The following LIPT1 variants were observed in gnomAD, a reference collection of about 807,000 sequenced individuals.
LIPT1 encodes the protein lipoyl amidotransferase LIPT1, mitochondrial.
Under a neutral mutation model 25.1 loss-of-function variants are expected in LIPT1, and 22 were observed. That is an observed-to-expected ratio of 0.88 (90% CI 0.63 to 1.25). The LOEUF (loss-of-function observed/expected upper bound fraction) is 1.25. LIPT1 is among the 50% of genes most tolerant of loss of function. The pLI is 0.00. For synonymous variants in LIPT1, 131 were observed against 150.8 expected (o/e 0.87, Z 0.96); for missense variants, 399 against 432.8 (o/e 0.92, Z 0.69).
chr2:99,162,127 T>G lies in LIPT1; in HGVS notation c.170T>G (p.Leu57Arg), dbSNP rs1448399659. 3 of 1,614,156 alleles carry G rather than the reference T, an allele frequency of 1.9e-6. No homozygotes were observed. The highest frequency in any genetic ancestry group is 2.5e-6 in the Non-Finnish European group (3 of 1,179,998). ...VEDWIHDHMN[L>R]EGKPILFFWQ... The stretch of plus-strand genomic sequence containing the variant: ...GACTGGATCCATGACCATATGAATC[T>G]AGAAGGCAAACCAATTCTATTCTTT... Residue 57 changes from leucine to arginine, a missense_variant, in exon 2 of 2, where the codon CTA (leucine) becomes CGA (arginine). Physicochemically the swap from Leu to Arg is moderately radical, Grantham distance 102. Coordinates refer to ENST00000651691, the MANE Select transcript of LIPT1 (RefSeq NM_145199.3).
chr2:99,158,027 T>C (rs2093765372), intron 1 of LIPT1, among the ~76,000 whole-genome samples: 1 of 152,210 alleles, frequency 6.6e-6, no homozygotes, highest in South Asian at 2.1e-4. Context: ...CTAACCACTT[T>C]ATATGTATTA....
At position 99,162,998 on chromosome 2, in the gene LIPT1, A is replaced by G; in HGVS notation, c.1041A>G (p.Ile347Met). The G allele has an allele frequency of 1.2e-6, 2 of 1,612,930 alleles. No homozygotes were observed. Among genetic ancestry groups the G allele is most frequent in the African/African-American group, 1.3e-5 (1 of 74,986 alleles). Residue 347 changes from isoleucine to methionine, a missense_variant, in exon 2 of 2, where the codon ATA (isoleucine) becomes ATG (methionine). By Grantham distance (10) the Ile-to-Met change is conservative. Coordinates refer to ENST00000651691, the MANE Select transcript of LIPT1 (RefSeq NM_145199.3). The part of the protein sequence containing the change: ...CPTETTMLTN[I>M]LLRTCPQDHK... ...CTGAAACTACCATGCTAACAAATAT[A>G]TTACTTAGAACATGTCCACAAGACC...
intron 1 of LIPT1, 106 bp from the exon 2 acceptor site, chr2:99,161,850 TG>T: frequency 1.0e-6 from 1 of 1,003,510 alleles, no homozygotes; most frequent in Non-Finnish European, 1.4e-6. Flanking sequence ...GCAACTGCAC[TG>T]GATACTTTAA....
intron 1 of LIPT1, chr2:99,161,323 T>A (rs1255754143): frequency 2.0e-5 from 2 of 98,098 alleles, no homozygotes; most frequent in African/African-American, 4.1e-5. Flanking sequence ...TATATATATA[T>A]ATATATATAT....
In LIPT1 at chr2:99,162,668, T is replaced by C. The variant is rs2516835; in HGVS notation, c.711T>C (p.Ala237=). ...LMNAVATEYA[A]YHQIDNHIHL... ...ATGCTGTTGCTACAGAGTATGCTGC[T>C]TATCATCAAATTGATAATCACATTC... is the stretch of plus-strand genomic sequence containing the variant. The change falls in exon 2 of 2, where the codon GCT becomes GCC. Residue 237 remains alanine, a synonymous_variant. Coordinates refer to ENST00000651691, the MANE Select transcript of LIPT1 (RefSeq NM_145199.3). 960,434 of 1,613,468 alleles carry C rather than the reference T, an allele frequency of 0.6. 291,854 individuals are homozygous for C. The highest frequency in any genetic ancestry group is 0.66 in the East Asian group (29,610 of 44,882).
At chr2:99,161,260 A>G (rs1469853241) in intron 1 of LIPT1, among the ~76,000 whole-genome samples, 1 of 14,532 alleles carries the variant, frequency 6.9e-5, no homozygotes, top group Non-Finnish European at 1.3e-4. Flanking sequence ...TCAAAAAAAA[A>G]AAAAAAAAAA....
intron 1 of LIPT1, among the ~76,000 whole-genome samples, chr2:99,160,551 A>G (rs2093779501): frequency 6.6e-6 from 1 of 152,254 alleles, no homozygotes; most frequent in Admixed American, 6.5e-5. Context: ...ATTTAAGACC[A>G]TAAGTAATCA....
Position 99,162,501 on chromosome 2 carries a change from T to C in LIPT1, c.544T>C (p.Cys182Arg), listed in dbSNP as rs1229378337. The C allele has an allele frequency of 1.2e-6, 2 of 1,614,044 alleles. No homozygotes were observed. Among genetic ancestry groups the C allele is most frequent in the Non-Finnish European group, 1.7e-6 (2 of 1,180,020 alleles). The change falls in exon 2 of 2, where the codon TGT (cysteine) becomes CGT (arginine). Residue 182 changes from cysteine to arginine, a missense_variant. Coordinates refer to ENST00000651691, the MANE Select transcript of LIPT1 (RefSeq NM_145199.3). ...TGCCTATCACCATTGCACTTTATTA[T>C]GTAGTACTGATGGGACGTTCTTGTC... ...TTAYHHCTLL[C>R]STDGTFLSSL...
chr2:99,162,061 A>G lies in LIPT1; in HGVS notation c.104A>G (p.Gln35Arg), dbSNP rs777291462. Residue 35 changes from glutamine (Q) to arginine (R), a missense_variant, in exon 2 of 2, where the codon CAG becomes CGG. Coordinates refer to ENST00000651691, the MANE Select transcript of LIPT1 (RefSeq NM_145199.3). ...ACAGTAAAAAATGGGCTCATTTTACAGTCAATTTCCAATGATGTCTATCAA... is the reference window on the plus strand; with the variant it reads ...ACAGTAAAAAATGGGCTCATTTTACGGTCAATTTCCAATGATGTCTATCAA... ...KKTVKNGLIL[Q>R]SISNDVYQNL... The G allele has an allele frequency of 4.3e-6, 7 of 1,614,062 alleles. No individual in the cohort carries two copies. Among genetic ancestry groups the G allele is most frequent in the Non-Finnish European group, 4.2e-6 (5 of 1,180,032 alleles).
intron 1 of LIPT1, 77 bp downstream of exon 1, chr2:99,155,128 C>G (rs2093737032): frequency 4.5e-6 from 2 of 445,118 alleles, no homozygotes; most frequent in South Asian, 3.1e-5. Flanking sequence ...CTTGGGCGCG[C>G]GCGGTGTTTC....
At chr2:99,160,215 T>C (rs887938094) in intron 1 of LIPT1, among the ~76,000 whole-genome samples, 1 of 152,062 alleles carries the variant, frequency 6.6e-6, no homozygotes, top group Non-Finnish European at 1.5e-5. Flanking sequence ...AAGATCAACC[T>C]AGGCAACGTA....
At chr2:99,159,926 C>T (rs960696354) in intron 1 of LIPT1, among the ~76,000 whole-genome samples, 5 of 152,192 alleles carry the variant, frequency 3.3e-5, no homozygotes, top group African/African-American at 1.2e-4. Context: ...GCTCCTCGAC[C>T]TGGCAAACTT....
chr2:99,155,423 T>C, intron 1 of LIPT1: 1 of 453,192 alleles, frequency 2.2e-6, no homozygotes, highest in South Asian at 1.6e-5. Flanking sequence ...GGCGAGGTCT[T>C]ATGAAGAAGC....
At position 99,162,737 on chromosome 2, in the gene LIPT1, T is replaced by G. The variant is rs1440086223; in HGVS notation, c.780T>G (p.Asn260Lys). ...ATGAGACACTGTTTCCTGGAATAAA[T>G]AGCAAAGCCAAAGAACTGCAAACTT... ...PTDETLFPGI[N>K]SKAKELQTWE... Residue 260 changes from asparagine to lysine, a missense_variant, in exon 2 of 2, where the codon AAT becomes AAG. Coordinates refer to ENST00000651691, the MANE Select transcript of LIPT1 (RefSeq NM_145199.3). 6.2e-7 allele frequency: 1 copy of G among 1,614,112 alleles called. No homozygotes were observed. Among genetic ancestry groups the G allele is most frequent in the Non-Finnish European group, 8.5e-7 (1 of 1,180,004 alleles).
At chr2:99,160,942 T>C (rs2516833) in intron 1 of LIPT1, among the ~76,000 whole-genome samples, 77,196 of 151,804 alleles carry the variant, frequency 0.51, 21,542 homozygotes, top group Middle Eastern at 0.7. Context: ...AACAATGGAA[T>C]ATTAAACAGT....
rs187886723 is a variant in LIPT1 at position 99,162,670 on chromosome 2, A to G, written c.713A>G (p.Tyr238Cys). ...MNAVATEYAA[Y>C]HQIDNHIHLI... ...GCTGTTGCTACAGAGTATGCTGCTT[A>G]TCATCAAATTGATAATCACATTCAC... Residue 238 changes from tyrosine (Y) to cysteine (C), a missense_variant, in exon 2 of 2, where the codon TAT becomes TGT. Transcript: ENST00000651691. The G allele has an allele frequency of 8.7e-5, 141 of 1,614,166 alleles. No individual in the cohort carries two copies. In the East Asian group the frequency reaches 2.9e-3, roughly 33 times the overall value.
At position 99,162,073 on chromosome 2, in the gene LIPT1, A is replaced by T; in HGVS notation, c.116A>T (p.Asn39Ile). Residue 39 changes from asparagine (N) to isoleucine (I), a missense_variant, in exon 2 of 2, where the codon AAT (asparagine) becomes ATT (isoleucine). Physicochemically the swap from Asn to Ile is moderately radical, Grantham distance 149 (BLOSUM62 -3). Transcript: ENST00000651691. ...GGGCTCATTTTACAGTCAATTTCCA[A>T]TGATGTCTATCAAAATCTGGCTGTG... ...KNGLILQSIS[N>I]DVYQNLAVED... 1 of 1,614,166 alleles carries T rather than the reference A, an allele frequency of 6.2e-7. No individual in the cohort carries two copies. Among genetic ancestry groups the T allele is most frequent in the South Asian group, 1.1e-5 (1 of 91,084 alleles).
At chr2:99,157,458 C>T (rs1315647874) in intron 1 of LIPT1, among the ~76,000 whole-genome samples, 1 of 152,204 alleles carries the variant, frequency 6.6e-6, no homozygotes, top group Non-Finnish European at 1.5e-5. Context: ...TTTCTACCTA[C>T]TGCCCTAGCT....
chr2:99,162,398 G>T lies in LIPT1; in HGVS notation c.441G>T (p.Gln147His), dbSNP rs137857528. The T allele has an allele frequency of 5.4e-5, 87 of 1,613,850 alleles. No individual in the cohort carries two copies. In the African/African-American group the frequency reaches 9.3e-4, roughly 17 times the overall value. The change falls in exon 2 of 2, where the codon CAG becomes CAT. Residue 147 changes from glutamine (Q) to histidine (H), a missense_variant. Transcript: ENST00000651691. ...CTGTCCAACCCCAGCTGGATGTGCA[G>T]GCTACCAAAAGATTTGACCTTTTAC... The part of the protein sequence containing the change: ...LNAVQPQLDV[Q>H]ATKRFDLLLD...
Sources: allele counts gnomAD v4.1 joint callset (sites outside exome capture counted in the v4.1 genomes callset), GRCh38; gene constraint gnomAD v4.1.1; transcripts MANE v1.5; gene names NCBI Gene and HGNC (gene_info 2026-07-23, HGNC 2026-07-21).